Variants in ZC3H15 observed in about 807,000 individuals in gnomAD.
ZC3H15 encodes the protein zinc finger CCCH domain-containing protein 15.
ZC3H15 carries 15 observed loss-of-function variants against 51.2 expected under a neutral mutation model. The observed-to-expected ratio is 0.29, with a 90% confidence interval of 0.20 to 0.45. ZC3H15 has a LOEUF of 0.45. Ranked by LOEUF, ZC3H15 falls within the 20% of genes least tolerant of loss-of-function variation. ZC3H15 has a pLI of 1.00. For synonymous variants in ZC3H15, 144 were observed against 162.8 expected (o/e 0.88, Z 0.88); for missense variants, 381 against 494.7 (o/e 0.77, Z 2.18).
rs944256476 is a variant in ZC3H15 at position 186,504,317 on chromosome 2, A to G, written c.717+103A>G. The G allele has an allele frequency of 4.7e-6, 5 of 1,057,590 alleles. No homozygotes were observed. In the African/African-American group the frequency reaches 8.1e-5, roughly 17 times the overall value. The allele number at this position is 1,057,590 out of a possible 1,614,324, so 65.5% of individuals were successfully genotyped here. A position where few individuals can be genotyped will look rare whatever the true frequency, so the allele number is the denominator to read the frequency against. On this transcript the variant is annotated intron_variant, in intron 6 of 9. Coordinates refer to ENST00000337859, the MANE Select transcript of ZC3H15 (RefSeq NM_018471.3). ...AATAGCCTTTTATGAAAGGAAAAAA[A>G]AAATATTGTGATCTATTCCCAAAGT...
chr2:186,490,438 A>G (rs1167448520), intron 1 of ZC3H15, among the ~76,000 whole-genome samples: 1 of 152,220 alleles, frequency 6.6e-6, no homozygotes, highest in African/African-American at 2.4e-5. Context: ...AAGATGGAGC[A>G]AGAGAAATTG....
chr2:186,506,309 T>G (rs770530683), intron 8 of ZC3H15, among the ~76,000 whole-genome samples: 3 of 152,220 alleles, frequency 2.0e-5, no homozygotes, highest in Non-Finnish European at 4.4e-5. Flanking sequence ...GTTGATTTTT[T>G]GTGTACTTAC....
At chr2:186,494,969 A>G (rs1342013392) in intron 1 of ZC3H15, among the ~76,000 whole-genome samples, 2 of 151,988 alleles carry the variant, frequency 1.3e-5, no homozygotes, top group South Asian at 2.1e-4. Context: ...AGTATAATAA[A>G]AAATATATAT....
chr2:186,498,749 G>T (rs560735823), intron 2 of ZC3H15, among the ~76,000 whole-genome samples: 2 of 151,790 alleles, frequency 1.3e-5, no homozygotes, highest in African/African-American at 2.4e-5. Flanking sequence ...AGGTTCTTTT[G>T]TCCCATTTTA....
Position 186,494,010 on chromosome 2 carries a change from C to T in ZC3H15, c.76-1223C>T, listed in dbSNP as rs144466557. On this transcript the variant is annotated intron_variant, in intron 1 of 9. Coordinates refer to ENST00000337859, the MANE Select transcript of ZC3H15 (RefSeq NM_018471.3). ...CACTACAGACCACTGCTCCCCTCCA[C>T]ACACACGCTTGCTCATACTTGTGCA... 3.6e-3 allele frequency among the ~76,000 whole-genome samples: 547 copies of T among 151,350 alleles called. 2 individuals carry two copies. The highest frequency in any genetic ancestry group is 0.013 in the African/African-American group (517 of 41,140).
chr2:186,502,769 T>C (rs746343546), intron 5 of ZC3H15, among the ~76,000 whole-genome samples, 182 bp downstream of exon 5: 1 of 152,212 alleles, frequency 6.6e-6, no homozygotes. Flanking sequence ...TATAGATTCT[T>C]GTTCAGAAAT....
intron 4 of ZC3H15, among the ~76,000 whole-genome samples, chr2:186,502,241 C>G (rs1685396908): frequency 6.6e-6 from 1 of 151,850 alleles, no homozygotes; most frequent in African/African-American, 2.4e-5. Flanking sequence ...GACCCAGCTG[C>G]TTGGGAGGCT....
intron 8 of ZC3H15, among the ~76,000 whole-genome samples, 196 bp from the exon 9 acceptor site, chr2:186,506,517 T>C (rs1574428048): frequency 6.6e-6 from 1 of 152,222 alleles, no homozygotes; most frequent in East Asian, 1.9e-4. Context: ...GGTCTCAAAC[T>C]CCTAAGCCCA....
chr2:186,487,903 C>T (rs757179554), intron 1 of ZC3H15, among the ~76,000 whole-genome samples: 15 of 152,074 alleles, frequency 9.9e-5, no homozygotes, highest in Non-Finnish European at 2.2e-4. Context: ...GACTAGTATT[C>T]TTATTTTAAG....
At chr2:186,507,711 G>A (rs1011107767) in intron 9 of ZC3H15, among the ~76,000 whole-genome samples, 2 of 152,110 alleles carry the variant, frequency 1.3e-5, no homozygotes, top group African/African-American at 4.8e-5. Flanking sequence ...AGAAAAGGCT[G>A]AACATTATTT....
intron 1 of ZC3H15, among the ~76,000 whole-genome samples, chr2:186,490,121 C>T (rs1574421344): frequency 6.6e-6 from 1 of 151,918 alleles, no homozygotes; most frequent in East Asian, 1.9e-4. Flanking sequence ...TTTTATTTGC[C>T]TCTTCAAATG....
intron 2 of ZC3H15, among the ~76,000 whole-genome samples, chr2:186,498,304 G>A (rs181651313): frequency 2.0e-5 from 3 of 152,328 alleles, no homozygotes; most frequent in South Asian, 2.1e-4. Context: ...ATGCTTCAGT[G>A]TGGAACTCCA....
At chr2:186,505,386 A>G in intron 6 of ZC3H15, 65 bp from the exon 7 acceptor site, 1 of 1,483,386 alleles carries the variant, frequency 6.7e-7, no homozygotes, top group Middle Eastern at 2.0e-4. Flanking sequence ...ATTAAGAGAT[A>G]ACTGCAACTA....
intron 9 of ZC3H15, chr2:186,507,562 A>G (rs1685488234): frequency 2.3e-6 from 1 of 441,148 alleles, no homozygotes; most frequent in African/African-American, 2.0e-5. Flanking sequence ...GAATGGAGGG[A>G]AGGCTGTCTA....
chr2:186,501,029 A>G (rs922118703), intron 3 of ZC3H15, among the ~76,000 whole-genome samples: 7 of 152,198 alleles, frequency 4.6e-5, no homozygotes, highest in East Asian at 3.9e-4. Flanking sequence ...GAAATAGCCT[A>G]TGTTCTTGTT....
chr2:186,486,709 G>A (rs930672606), intron 1 of ZC3H15, among the ~76,000 whole-genome samples: 1 of 151,996 alleles, frequency 6.6e-6, no homozygotes, highest in African/African-American at 2.4e-5. Flanking sequence ...CATGCACCCG[G>A]GTGCGAAATG....
At chr2:186,506,580 C>T in intron 8 of ZC3H15, 133 bp from the exon 9 acceptor site, 1 of 999,402 alleles carries the variant, frequency 1.0e-6, no homozygotes, top group Non-Finnish European at 1.4e-6. Context: ...GTGTGAGCCT[C>T]CACACCTGGC....
chr2:186,499,759 C>T, intron 2 of ZC3H15: 1 of 355,708 alleles, frequency 2.8e-6, no homozygotes, highest in Admixed American at 4.1e-5. Flanking sequence ...AGTGTTTTTC[C>T]ATGAGGGCAC....
chr2:186,489,669 C>T (rs1022598301), intron 1 of ZC3H15, among the ~76,000 whole-genome samples: 5 of 152,142 alleles, frequency 3.3e-5, no homozygotes, highest in Non-Finnish European at 4.4e-5. Context: ...CTCTTCTGTA[C>T]CTGTTCTGCT....
Sources: allele counts gnomAD v4.1 joint callset (sites outside exome capture counted in the v4.1 genomes callset), GRCh38; gene constraint gnomAD v4.1.1; transcripts MANE v1.5; gene names NCBI Gene and HGNC (gene_info 2026-07-23, HGNC 2026-07-21).